The following SHISA2 variants were observed in gnomAD, a reference collection of about 807,000 sequenced individuals.
SHISA2 encodes shisa family member 2.
In SHISA2, 16 loss-of-function variants were observed where a neutral mutation model predicts 23.8. That is an observed-to-expected ratio of 0.67 (90% confidence interval 0.46 to 1.02). The LOEUF (loss-of-function observed/expected upper bound fraction) is 1.02, where lower values mean the gene tolerates loss of function less well. Ranked by LOEUF, SHISA2 falls within the 50% of genes least tolerant of loss-of-function variation. The probability of loss-of-function intolerance (pLI) is 0.00; values close to 1 mark genes in which losing one functional copy is unlikely to be tolerated. For synonymous variants in SHISA2, 201 were observed against 178.6 expected (o/e 1.13, Z -1.00); for missense variants, 459 against 420.1 (o/e 1.09, Z -0.81).
intron 1 of SHISA2, among the ~76,000 whole-genome samples, chr13:26,049,649 G>A (rs1446149174): frequency 6.6e-6 from 1 of 152,082 alleles, no homozygotes; most frequent in Admixed American, 6.6e-5. Flanking sequence ...GAAAGGGAAC[G>A]GCACTGAAAA....
Position 26,047,051 on chromosome 13 carries a change from G to T in SHISA2, c.350C>A (p.Pro117Gln). The T allele has an allele frequency of 6.5e-7, 1 of 1,550,060 alleles. No individual in the cohort carries two copies. Among genetic ancestry groups the T allele is most frequent in the South Asian group, 1.2e-5 (1 of 82,154 alleles). Residue 117 changes from proline to glutamine, a missense_variant, in exon 2 of 2, where the codon CCG becomes CAG. Coordinates refer to ENST00000319420, the MANE Select transcript of SHISA2 (RefSeq NM_001007538.2). The part of the protein sequence containing the change: ...PDGSAVPIYV[P>Q]FLIVGSVFVA... ...AAACACGGAGCCAACAATGAGGAACGGCACGTAGATGGGCACTGAAGCAAA... is the reference window on the plus strand; with the variant it reads ...AAACACGGAGCCAACAATGAGGAACTGCACGTAGATGGGCACTGAAGCAAA...
chr13:26,046,720 C>T lies in SHISA2; in HGVS notation c.681G>A (p.Leu227=). The part of the protein sequence containing the change: ...YVNMPTNFSV[L]NCQQATQIVP... The stretch of plus-strand genomic sequence containing the variant: ...CAATCTGGGTGGCCTGCTGACAGTT[C>T]AGCACAGAGAAATTCGTGGGCATGT... Residue 227 remains leucine (L), a synonymous_variant, in exon 2 of 2, where the codon CTG becomes CTA. Transcript: ENST00000319420. 1.2e-6 allele frequency: 2 copies of T among 1,614,206 alleles called. No individual in the cohort carries two copies. Among genetic ancestry groups the T allele is most frequent in the Non-Finnish European group, 1.7e-6 (2 of 1,180,046 alleles).
rs1251091509 is a variant in SHISA2, at chr13:26,050,904, A to C, written c.72T>G (p.Ala24=). ...NAASLLQLLL[A]ALLAAGARAS... ...CCCTCGCCCCCGCCGCCAGCAGCGC[A>C]GCCAGCAGCAGCTGCAGGAGCGAAG... The change falls in exon 1 of 2, where the codon GCT becomes GCG. Residue 24 remains alanine (A), a synonymous_variant. Transcript: ENST00000319420. 1 of 1,519,252 alleles carries C rather than the reference A, an allele frequency of 6.6e-7. No individual in the cohort carries two copies. Among genetic ancestry groups the C allele is most frequent in the Admixed American group, 2.0e-5 (1 of 50,032 alleles). 94.1% of individuals were successfully genotyped at this position (1,519,252 alleles called of 1,614,324 possible).
chr13:26,050,180 T>C (rs1957292152), intron 1 of SHISA2, among the ~76,000 whole-genome samples: 1 of 152,150 alleles, frequency 6.6e-6, no homozygotes, highest in African/African-American at 2.4e-5. Flanking sequence ...CCGCGGCGTC[T>C]GGCACGGGGC....
intron 1 of SHISA2, among the ~76,000 whole-genome samples, chr13:26,047,880 A>G (rs1349969242): frequency 1.3e-5 from 2 of 152,254 alleles, no homozygotes; most frequent in East Asian, 3.8e-4. Flanking sequence ...GCAAGAGTAC[A>G]CAGGGAAAGC....
chr13:26,051,673 G>T lies in SHISA2; in HGVS notation c.-698C>A, dbSNP rs1049378274. Among the ~76,000 whole-genome samples the T allele has an allele frequency of 6.6e-6, 1 of 152,012 alleles. No homozygotes were observed. Among genetic ancestry groups the T allele is most frequent in the Non-Finnish European group, 1.5e-5 (1 of 67,950 alleles). On this transcript the variant is annotated 5_prime_UTR_variant, in exon 1 of 2. Transcript: ENST00000319420. ...TCGCCGAGGGAGCGCTCCTGACCCC[G>T]GGAACGTCCAGGACGCAGGCGAGGG...
In SHISA2 at chr13:26,050,499, C is replaced by G. The variant is rs1054804982; in HGVS notation, c.334+143G>C. The G allele has an allele frequency of 4.7e-6, 4 of 853,906 alleles. No individual in the cohort carries two copies. In the Admixed American group the frequency reaches 1.7e-4, roughly 35 times the overall value. The allele number at this position is 853,906 out of a possible 1,614,324, so 52.9% of individuals were successfully genotyped here. A position where few individuals can be genotyped will look rare whatever the true frequency, so the allele number is the denominator to read the frequency against. On this transcript the variant is annotated intron_variant, in intron 1 of 1. Coordinates refer to ENST00000319420, the MANE Select transcript of SHISA2 (RefSeq NM_001007538.2). ...GTGAGGGTGAATTAGGGACCCACAC[C>G]GACCAAATAATAAGCCAGAAGGCAG...
In SHISA2 at chr13:26,051,283, G is replaced by C. The variant is rs961769705; in HGVS notation, c.-308C>G. ...CGGGGCTGTCGTCCGGAAGCCTCTG[G>C]AGGTTTCACTGGCAACCGGACCCTC... is the stretch of plus-strand genomic sequence containing the variant. On this transcript the variant is annotated 5_prime_UTR_variant, in exon 1 of 2. Transcript: ENST00000319420. Among the ~76,000 whole-genome samples, 6 of 152,282 alleles carry C rather than the reference G, an allele frequency of 3.9e-5. No homozygotes were observed. Among genetic ancestry groups the C allele is most frequent in the African/African-American group, 1.4e-4 (6 of 41,586 alleles).
intron 1 of SHISA2, among the ~76,000 whole-genome samples, chr13:26,049,190 A>C (rs1957284417): frequency 6.6e-6 from 1 of 152,248 alleles, no homozygotes; most frequent in Non-Finnish European, 1.5e-5. Context: ...TTCTCTTTCC[A>C]GGATTTTTAA....
At position 26,051,722 on chromosome 13, in the gene SHISA2, C is replaced by T. The variant is rs1217220763; in HGVS notation, c.-747G>A. Among the ~76,000 whole-genome samples, 1 of 152,072 alleles carries T rather than the reference C, an allele frequency of 6.6e-6. No homozygotes were observed. On this transcript the variant is annotated 5_prime_UTR_variant, in exon 1 of 2. Transcript: ENST00000319420. ...GGTCCTGCGCGCCCCCAGCCGCAGT[C>T]CCGGGAGCCTGCCCAGCTGGCGGCG...
Position 26,046,899 on chromosome 13 carries a change from G to A in SHISA2, c.502C>T (p.Pro168Ser). 1 of 1,613,608 alleles carries A rather than the reference G, an allele frequency of 6.2e-7. No homozygotes were observed. The highest frequency in any genetic ancestry group is 8.5e-7 in the Non-Finnish European group (1 of 1,179,762). Residue 168 changes from proline to serine, a missense_variant, in exon 2 of 2, where the codon CCC becomes TCC. Coordinates refer to ENST00000319420, the MANE Select transcript of SHISA2 (RefSeq NM_001007538.2). ...NRLMETIPMI[P>S]SASTSRGSSS... ...GACCCCCGGGAGGTGCTGGCACTGG[G>A]GATCATGGGGATGGTCTCCATCAAG...
chr13:26,051,978 T>C lies in SHISA2; in HGVS notation c.-1003A>G, dbSNP rs1187936393. 9.0e-5 allele frequency among the ~76,000 whole-genome samples: 2 copies of C among 22,214 alleles called. No individual in the cohort carries two copies. The highest frequency in any genetic ancestry group is 1.9e-3 in the South Asian group (1 of 538). 14.6% of individuals were successfully genotyped at this position (22,214 alleles called of 152,430 possible). A position where few individuals can be genotyped will look rare whatever the true frequency, so the allele number is the denominator to read the frequency against. ...CCGAGCGCAGCAGCCGCCCACAGCC[T>C]CGCCTCGCCCCGCCCGGCGCCAGAC... On this transcript the variant is annotated 5_prime_UTR_variant, in exon 1 of 2. Transcript: ENST00000319420.
chr13:26,048,030 C>T (rs966497709), intron 1 of SHISA2, among the ~76,000 whole-genome samples: 22 of 152,278 alleles, frequency 1.4e-4, no homozygotes, highest in Middle Eastern at 3.4e-3. Flanking sequence ...TGGCGGGGCA[C>T]GGTGGCTCAC....
In SHISA2 at chr13:26,046,889, C is replaced by G. The variant is rs758759662; in HGVS notation, c.512G>C (p.Ser171Thr). 2.5e-6 allele frequency: 4 copies of G among 1,613,546 alleles called. No individual in the cohort carries two copies. The highest frequency in any genetic ancestry group is 4.5e-5 in the East Asian group (2 of 44,856). ...GCGTGAGGACGACCCCCGGGAGGTG[C>G]TGGCACTGGGGATCATGGGGATGGT... ...METIPMIPSA[S>T]TSRGSSSRQS... Residue 171 changes from serine to threonine, a missense_variant, in exon 2 of 2, where the codon AGC becomes ACC. Transcript: ENST00000319420.
rs1489428661 is a variant in SHISA2, at chr13:26,051,978, TCGCCTCG to T, written c.-1010_-1004del. Among the ~76,000 whole-genome samples the T allele has an allele frequency of 5.9e-3, 132 of 22,238 alleles. No homozygotes were observed. Among genetic ancestry groups the T allele is most frequent in the Non-Finnish European group, 2.6e-3 (15 of 5,796 alleles). The allele number at this position is 22,238 out of a possible 152,430, so 14.6% of individuals were successfully genotyped here. The stretch of plus-strand genomic sequence containing the variant: ...CCGAGCGCAGCAGCCGCCCACAGCC[TCGCCTCG>T]CCCCGCCCGGCGCCAGACCAGCTCC... On this transcript the variant is annotated 5_prime_UTR_variant, in exon 1 of 2. Coordinates refer to ENST00000319420, the MANE Select transcript of SHISA2 (RefSeq NM_001007538.2).
rs1045761865 is a variant in SHISA2, at chr13:26,046,721, A to G, written c.680T>C (p.Leu227Pro). 6.2e-7 allele frequency: 1 copy of G among 1,614,220 alleles called. No individual in the cohort carries two copies. Among genetic ancestry groups the G allele is most frequent in the Non-Finnish European group, 8.5e-7 (1 of 1,180,038 alleles). ...YVNMPTNFSV[L>P]NCQQATQIVP... Reference sequence around the variant, plus strand: ...AATCTGGGTGGCCTGCTGACAGTTCAGCACAGAGAAATTCGTGGGCATGTT... The same window carrying G: ...AATCTGGGTGGCCTGCTGACAGTTCGGCACAGAGAAATTCGTGGGCATGTT... Residue 227 changes from leucine to proline, a missense_variant, in exon 2 of 2, where the codon CTG becomes CCG. By Grantham distance (98) the Leu-to-Pro change is moderately conservative. Coordinates refer to ENST00000319420, the MANE Select transcript of SHISA2 (RefSeq NM_001007538.2).
Position 26,046,185 on chromosome 13 carries a change from AATAAAAATCCTTAATTTATCAGTTT to A in SHISA2, c.*303_*327del, listed in dbSNP as rs1242644892. 9.4e-6 allele frequency: 2 copies of A among 211,802 alleles called. No homozygotes were observed. The highest frequency in any genetic ancestry group is 4.6e-5 in the African/African-American group (2 of 43,640). 13.1% of individuals were successfully genotyped at this position (211,802 alleles called of 1,614,324 possible). A position where few individuals can be genotyped will look rare whatever the true frequency, so the allele number is the denominator to read the frequency against. Reference sequence around the variant, plus strand: ...AAAAAAGAAATAATAATAACAACATAATAAAAATCCTTAATTTATCAGTTTATAAAATTCTTTCGTCAACCATATC... The same window carrying A: ...AAAAAAGAAATAATAATAACAACATAATAAAATTCTTTCGTCAACCATATC... On this transcript the variant is annotated 3_prime_UTR_variant, in exon 2 of 2. Coordinates refer to ENST00000319420, the MANE Select transcript of SHISA2 (RefSeq NM_001007538.2).
In SHISA2 at chr13:26,047,080, C is replaced by T. The variant is rs763374605; in HGVS notation, c.335-14G>A. ...CGTAGATGGGCACTGAAGCAAAGGA[C>T]AGAAACACAACATTATGATCTACTC... On this transcript the variant is annotated splice_polypyrimidine_tract_variant and intron_variant, in intron 1 of 1. Coordinates refer to ENST00000319420, the MANE Select transcript of SHISA2 (RefSeq NM_001007538.2). The T allele has an allele frequency of 1.3e-6, 2 of 1,523,690 alleles. No individual in the cohort carries two copies. Among genetic ancestry groups the T allele is most frequent in the Non-Finnish European group, 1.8e-6 (2 of 1,136,028 alleles). 94.4% of individuals were successfully genotyped at this position (1,523,690 alleles called of 1,614,324 possible).
intron 1 of SHISA2, among the ~76,000 whole-genome samples, chr13:26,047,652 A>C (rs1957276711): frequency 6.6e-6 from 1 of 152,222 alleles, no homozygotes; most frequent in African/African-American, 2.4e-5. Context: ...GGTAAGGCAC[A>C]GAAGGGTCAA....
Sources: allele counts gnomAD v4.1 joint callset (sites outside exome capture counted in the v4.1 genomes callset), GRCh38; gene constraint gnomAD v4.1.1; transcripts MANE v1.5; gene names NCBI Gene and HGNC (gene_info 2026-07-23, HGNC 2026-07-21).